Variants in UGT2B11 observed in about 807,000 individuals in gnomAD.
UGT2B11 encodes the protein UDP glucuronosyltransferase family 2 member B11.
UGT2B11 carries 49 observed loss-of-function variants against 51.7 expected under a neutral mutation model. The observed-to-expected ratio is 0.95, with a 90% confidence interval of 0.75 to 1.20. The LOEUF (loss-of-function observed/expected upper bound fraction) is 1.20. Among genes scored for constraint, UGT2B11 ranks in the 50% most tolerant of loss-of-function variants. The probability of loss-of-function intolerance (pLI) is 0.00; values close to 1 mark genes in which losing one functional copy is unlikely to be tolerated. For missense variants in UGT2B11, 810 were observed against 622.1 expected (o/e 1.30, Z -3.21); for synonymous variants, 273 against 209.0 (o/e 1.31, Z -2.64).
upstream of UGT2B11, chr4:69,214,925 G>C: frequency 1.2e-6 from 1 of 825,888 alleles, no homozygotes; most frequent in South Asian, 2.1e-5. Context: ...TTTCTTTTAT[G>C]TTTATATTCA....
intron 3 of UGT2B11, among the ~76,000 whole-genome samples, chr4:69,206,393 T>C (rs1450068155): frequency 6.6e-6 from 1 of 151,714 alleles, no homozygotes; most frequent in African/African-American, 2.4e-5. Context: ...AAATGTGACA[T>C]GTCCTCACTT....
rs533617717 is a variant in UGT2B11, at chr4:69,200,630, A to G, written c.1400T>C (p.Val467Ala). The G allele has an allele frequency of 3.1e-6, 5 of 1,612,472 alleles. No individual in the cohort carries two copies. Among genetic ancestry groups the G allele is most frequent in the Middle Eastern group, 1.7e-4 (1 of 6,048 alleles). ...GTGTTTGGCTCCTTTGTGGGGCATG[A>G]CAAATTCAATCCAGAAGACTGCTCG... is the stretch of plus-strand genomic sequence containing the variant. ...LDRAVFWIEF[V>A]MPHKGAKHLR... Residue 467 changes from valine (V) to alanine (A), a missense_variant, in exon 6 of 6, where the codon GTC (valine) becomes GCC (alanine). Val to Ala is a moderately conservative substitution (Grantham distance 64). Coordinates refer to ENST00000446444, the MANE Select transcript of UGT2B11 (RefSeq NM_001073.3).
intron 5 of UGT2B11, among the ~76,000 whole-genome samples, chr4:69,202,392 A>G (rs1440888270): frequency 6.6e-6 from 1 of 151,744 alleles, no homozygotes; most frequent in Non-Finnish European, 1.5e-5. Context: ...CCAAAATTTA[A>G]AGATATTTTA....
intron 5 of UGT2B11, chr4:69,201,423 G>T (rs868043584): frequency 4.0e-5 from 6 of 151,798 alleles, no homozygotes; most frequent in African/African-American, 1.4e-4. Flanking sequence ...ATTTTTGGCT[G>T]GCTTCTCATT....
chr4:69,209,817 A>C (rs1356296690), intron 2 of UGT2B11, among the ~76,000 whole-genome samples: 1 of 151,654 alleles, frequency 6.6e-6, no homozygotes, highest in Admixed American at 6.6e-5. Context: ...TGTTGAAGGA[A>C]TCTAATCTCT....
At chr4:69,212,846 TAA>T in intron 1 of UGT2B11, 125 bp from the exon 2 acceptor site, 2 of 872,874 alleles carry the variant, frequency 2.3e-6, no homozygotes, top group Non-Finnish European at 3.0e-6. Flanking sequence ...GAAAAATATA[TAA>T]ATATATATGA....
At chr4:69,210,867 C>CA (rs1722034868) in intron 2 of UGT2B11, among the ~76,000 whole-genome samples, 2 of 151,672 alleles carry the variant, frequency 1.3e-5, no homozygotes, top group East Asian at 3.9e-4. Flanking sequence ...AGAATGCTTA[C>CA]TTTGTACATA....
chr4:69,207,974 A>G (rs1311518157), intron 3 of UGT2B11, among the ~76,000 whole-genome samples: 1 of 151,680 alleles, frequency 6.6e-6, no homozygotes. Flanking sequence ...TCTAAAGACT[A>G]CATTAGGCAC....
At position 69,214,098 on chromosome 4, in the gene UGT2B11, C is replaced by T; in HGVS notation, c.625G>A (p.Glu209Lys). ...ACATAGATCATATTTTTTACCCTCTCCATGAAAGTCATTTGATCACTTAAT... is the reference window on the plus strand; with the variant it reads ...ACATAGATCATATTTTTTACCCTCTTCATGAAAGTCATTTGATCACTTAAT... ...SKLSDQMTFM[E>K]RVKNMIYVLY... Residue 209 changes from glutamate to lysine, a missense_variant, in exon 1 of 6, where the codon GAG (glutamate) becomes AAG (lysine). By Grantham distance (56) the Glu-to-Lys change is moderately conservative. Coordinates refer to ENST00000446444, the MANE Select transcript of UGT2B11 (RefSeq NM_001073.3). 2 of 1,611,892 alleles carry T rather than the reference C, an allele frequency of 1.2e-6. No homozygotes were observed. The highest frequency in any genetic ancestry group is 1.7e-6 in the Non-Finnish European group (2 of 1,178,876).
At chr4:69,208,804 C>T (rs956793215) in intron 2 of UGT2B11, among the ~76,000 whole-genome samples, 4 of 151,514 alleles carry the variant, frequency 2.6e-5, no homozygotes, top group African/African-American at 9.7e-5. Flanking sequence ...ACTTATAATA[C>T]TATAATTACT....
intron 3 of UGT2B11, among the ~76,000 whole-genome samples, chr4:69,207,351 G>C (rs1259425106): frequency 2.6e-5 from 4 of 151,596 alleles, no homozygotes; most frequent in African/African-American, 4.8e-5. Flanking sequence ...AAGTAACTCA[G>C]GTTTCAGCAA....
At chr4:69,218,910 C>T (rs1325179135), upstream of UGT2B11, among the ~76,000 whole-genome samples, 1 of 152,128 alleles carries the variant, frequency 6.6e-6, no homozygotes, top group Non-Finnish European at 1.5e-5. Context: ...GTCCACATGT[C>T]CTTGAAGGTA....
chr4:69,202,152 C>T (rs1260501786), intron 5 of UGT2B11, among the ~76,000 whole-genome samples: 5 of 151,822 alleles, frequency 3.3e-5, no homozygotes, highest in Admixed American at 6.6e-5. Context: ...GATTGATAAA[C>T]CACAGATTAT....
At chr4:69,209,584 AC>A (rs200107628) in intron 2 of UGT2B11, among the ~76,000 whole-genome samples, 7,359 of 151,806 alleles carry the variant, frequency 0.048, 216 homozygotes, top group South Asian at 0.12. Context: ...AAAGAAAAAA[AC>A]GTCTAAATGT....
chr4:69,212,815 T>A (rs964227734), intron 1 of UGT2B11, 94 bp from the exon 2 acceptor site: 1 of 1,384,586 alleles, frequency 7.2e-7, no homozygotes, highest in Non-Finnish European at 9.5e-7. Flanking sequence ...AGCAAAGATG[T>A]AGGTAAAGTT....
chr4:69,223,059 A>G, the UGT2B11 span, among the ~76,000 whole-genome samples: 1 of 152,178 alleles, frequency 6.6e-6, no homozygotes, highest in Non-Finnish European at 1.5e-5. Context: ...AAGCTTGTAC[A>G]TAAGGGACAT....
rs767864296 is a variant in UGT2B11, at chr4:69,212,596, T to TGGCAGGTTTG, written c.846_847insCAAACCTGCC (p.Lys283GlnfsTer11). On this transcript the variant is annotated frameshift_variant, in exon 2 of 6. Coordinates refer to ENST00000446444, the MANE Select transcript of UGT2B11 (RefSeq NM_001073.3). LOFTEE classifies it high-confidence loss of function. ...ACCTTAGGTAGGGGTTTGGCAGGTT[T>TGGCAGGTTTG]GCAGTGGAATCCTCCAACAAAATCA... 4.4e-5 allele frequency: 70 copies of TGGCAGGTTTG among 1,608,600 alleles called. 1 individual carries two copies. The East Asian group carries it at 1.5e-3, about 35-fold the overall frequency.
At chr4:69,217,767 A>G (rs998229110), upstream of UGT2B11, among the ~76,000 whole-genome samples, 2 of 152,082 alleles carry the variant, frequency 1.3e-5, no homozygotes, top group Non-Finnish European at 2.9e-5. Flanking sequence ...TCAGGGTGCT[A>G]TATAGAAAAA....
chr4:69,217,807 A>G (rs1423784904), upstream of UGT2B11, among the ~76,000 whole-genome samples: 1 of 152,048 alleles, frequency 6.6e-6, no homozygotes, highest in Non-Finnish European at 1.5e-5. Context: ...TATAGACAAA[A>G]AAAATTTATT....
Sources: allele counts gnomAD v4.1 joint callset (sites outside exome capture counted in the v4.1 genomes callset), GRCh38; gene constraint gnomAD v4.1.1; transcripts MANE v1.5; gene names NCBI Gene and HGNC (gene_info 2026-07-23, HGNC 2026-07-21).